Variants in CHCHD6 observed in about 807,000 individuals in gnomAD.
The protein encoded by CHCHD6 is coiled-coil-helix-coiled-coil-helix domain containing 6.
CHCHD6 carries 28 observed loss-of-function variants against 32.3 expected under a neutral mutation model. The ratio of observed to expected loss-of-function variants is 0.87; its 90% confidence interval spans 0.64 to 1.19. The LOEUF (loss-of-function observed/expected upper bound fraction) is 1.19. CHCHD6 is among the 50% of genes most tolerant of loss of function. The probability of loss-of-function intolerance (pLI) is 0.00; values close to 1 mark genes in which losing one functional copy is unlikely to be tolerated. For synonymous variants in CHCHD6, 122 were observed against 117.5 expected, an observed-to-expected ratio of 1.04 and a Z score of -0.25; for missense variants, 333 against 307.0, an observed-to-expected ratio of 1.08 and a Z score of -0.63.
intron 4 of CHCHD6, among the ~76,000 whole-genome samples, chr3:126,797,702 T>C (rs1487080402): frequency 1.3e-5 from 2 of 152,190 alleles, no homozygotes; most frequent in Non-Finnish European, 2.9e-5. Flanking sequence ...TCAGCCTCCC[T>C]CTCCTTGCCC....
chr3:126,882,127 A>G (rs751512688), intron 5 of CHCHD6, among the ~76,000 whole-genome samples: 3 of 152,200 alleles, frequency 2.0e-5, no homozygotes, highest in Non-Finnish European at 4.4e-5. Flanking sequence ...TTCTCAGGGT[A>G]TGCTTAAGTT....
intron 4 of CHCHD6, among the ~76,000 whole-genome samples, chr3:126,807,644 C>T (rs1939459795): frequency 6.6e-6 from 1 of 152,114 alleles, no homozygotes; most frequent in African/African-American, 2.4e-5. Flanking sequence ...ATAAGACCTT[C>T]CAGATTGAGA....
At chr3:126,852,840 C>T (rs978428821) in intron 5 of CHCHD6, 110 bp downstream of exon 5, 7 of 704,698 alleles carry the variant, frequency 9.9e-6, no homozygotes, top group South Asian at 4.9e-5. Context: ...AGTGCCCATT[C>T]GCCCAGATGC....
At chr3:126,799,876 T>C (rs1464439092) in intron 4 of CHCHD6, among the ~76,000 whole-genome samples, 2 of 152,240 alleles carry the variant, frequency 1.3e-5, no homozygotes, top group Non-Finnish European at 2.9e-5. Context: ...TCATATGTTG[T>C]TTTGTAAACA....
At chr3:126,748,990 G>C (rs577995502) in intron 4 of CHCHD6, among the ~76,000 whole-genome samples, 6 of 152,330 alleles carry the variant, frequency 3.9e-5, no homozygotes, top group African/African-American at 1.2e-4. Context: ...GTCAGCTAAT[G>C]CTTCTCTGAG....
intron 4 of CHCHD6, chr3:126,766,853 G>A: frequency 2.1e-6 from 2 of 967,726 alleles, no homozygotes; most frequent in South Asian, 1.3e-5. Flanking sequence ...CGATGTCCAG[G>A]GAAGTCAAAC....
At chr3:126,899,794 G>A (rs1177769609) in intron 5 of CHCHD6, among the ~76,000 whole-genome samples, 1 of 152,214 alleles carries the variant, frequency 6.6e-6, no homozygotes, top group East Asian at 1.9e-4. Context: ...GGAAAACCAT[G>A]CTTAGCATGA....
chr3:126,922,217 T>C (rs915833979), intron 6 of CHCHD6, among the ~76,000 whole-genome samples: 2 of 152,252 alleles, frequency 1.3e-5, no homozygotes, highest in Non-Finnish European at 2.9e-5. Context: ...CGACTGTGCT[T>C]GGCACATGTA....
chr3:126,765,844 G>C (rs1363547216), intron 4 of CHCHD6, among the ~76,000 whole-genome samples: 1 of 152,310 alleles, frequency 6.6e-6, no homozygotes, highest in South Asian at 2.1e-4. Flanking sequence ...CCCCCTCCAG[G>C]GGGACACTGC....
intron 5 of CHCHD6, among the ~76,000 whole-genome samples, chr3:126,910,731 C>T (rs1296586862): frequency 6.6e-6 from 1 of 152,138 alleles, no homozygotes; most frequent in Admixed American, 6.5e-5. Context: ...CAAGGGATGA[C>T]ACTACAGGGT....
intron 6 of CHCHD6, among the ~76,000 whole-genome samples, chr3:126,947,917 A>G (rs2078662128): frequency 6.6e-6 from 1 of 152,206 alleles, no homozygotes; most frequent in African/African-American, 2.4e-5. Context: ...TCTAAATAAA[A>G]TAACGCCTTA....
chr3:126,805,519 G>GA (rs1394735062), intron 4 of CHCHD6, among the ~76,000 whole-genome samples: 1 of 152,016 alleles, frequency 6.6e-6, no homozygotes, highest in East Asian at 1.9e-4. Flanking sequence ...TCTTCAAGGA[G>GA]AACTACAAAC....
chr3:126,863,573 C>G, intron 5 of CHCHD6, among the ~76,000 whole-genome samples: 1 of 124,562 alleles, frequency 8.0e-6, no homozygotes, highest in African/African-American at 3.4e-5. Flanking sequence ...TCCACCATCA[C>G]CACCTCCTCC....
rs540350491 is a variant in CHCHD6, at chr3:126,863,612, C to T, written c.495+10882C>T. 1.3e-4 allele frequency among the ~76,000 whole-genome samples: 18 copies of T among 139,028 alleles called. No homozygotes were observed. In the South Asian group the frequency reaches 3.6e-3, roughly 28 times the overall value. The allele number at this position is 139,028 out of a possible 152,430, so 91.2% of individuals were successfully genotyped here. A position where few individuals can be genotyped will look rare whatever the true frequency, so the allele number is the denominator to read the frequency against. On this transcript the variant is annotated intron_variant, in intron 5 of 7. Transcript: ENST00000290913. ...TCCTCCACCATCACCACTTCCCCCT[C>T]CTCCACCATCACCACCTCACCCTCT...
intron 6 of CHCHD6, among the ~76,000 whole-genome samples, chr3:126,953,845 A>G (rs776872736): frequency 6.6e-6 from 1 of 152,180 alleles, no homozygotes; most frequent in Non-Finnish European, 1.5e-5. Flanking sequence ...CACTTTGGAT[A>G]CCTTTATCTG....
intron 4 of CHCHD6, chr3:126,766,914 G>T: frequency 9.5e-7 from 1 of 1,049,444 alleles, no homozygotes; most frequent in East Asian, 2.4e-5. Flanking sequence ...GGCCCAGCCG[G>T]CCATAGCCAC....
intron 5 of CHCHD6, among the ~76,000 whole-genome samples, chr3:126,909,904 C>T (rs1447958898): frequency 1.3e-5 from 2 of 152,190 alleles, no homozygotes; most frequent in Non-Finnish European, 2.9e-5. Flanking sequence ...TGCAGGGTTC[C>T]AGGAGCTCTC....
At chr3:126,845,184 A>G (rs752382234) in intron 4 of CHCHD6, among the ~76,000 whole-genome samples, 5 of 152,302 alleles carry the variant, frequency 3.3e-5, no homozygotes, top group Middle Eastern at 3.4e-3. Flanking sequence ...TGACTATTTA[A>G]GTCAGCCATC....
At chr3:126,793,319 T>A (rs376544693) in intron 4 of CHCHD6, among the ~76,000 whole-genome samples, 61 of 152,140 alleles carry the variant, frequency 4.0e-4, no homozygotes, top group African/African-American at 1.4e-3. Flanking sequence ...TGTCTTCCTG[T>A]GGGTTACTTG....
Sources: allele counts gnomAD v4.1 joint callset (sites outside exome capture counted in the v4.1 genomes callset), GRCh38; gene constraint gnomAD v4.1.1; transcripts MANE v1.5; gene names NCBI Gene and HGNC (gene_info 2026-07-23, HGNC 2026-07-21).